Variants in SGCD observed in about 807,000 individuals in gnomAD.
SGCD encodes the protein sarcoglycan delta.
SGCD carries 18 observed loss-of-function variants against 36.6 expected under a neutral mutation model. The ratio of observed to expected loss-of-function variants is 0.49; its 90% CI spans 0.34 to 0.73. The LOEUF is 0.73. SGCD is among the 30% of genes least tolerant of loss of function. The pLI is 0.01. For missense variants in SGCD, 387 were observed against 346.7 expected (o/e 1.12, Z -0.92); for synonymous variants, 133 against 130.6 (o/e 1.02, Z -0.12).
At chr5:155,783,793 C>T in the SGCD span, among the ~76,000 whole-genome samples, 1 of 152,142 alleles carries the variant, frequency 6.6e-6, no homozygotes, top group Non-Finnish European at 1.5e-5. Flanking sequence ...ATTCTCTTCC[C>T]TTTGTGGAAA....
At chr5:156,277,474 G>C (rs1376313367) in intron 3 of SGCD, among the ~76,000 whole-genome samples, 4 of 152,208 alleles carry the variant, frequency 2.6e-5, no homozygotes, top group Non-Finnish European at 5.9e-5. Context: ...GGCTCACAGA[G>C]CTGGCAGGTT....
chr5:156,477,936 C>A (rs978027192), intron 3 of SGCD, among the ~76,000 whole-genome samples: 3 of 152,086 alleles, frequency 2.0e-5, no homozygotes, highest in South Asian at 4.2e-4. Context: ...CTCATGGAAT[C>A]TCTGGATCAA....
Position 155,921,667 on chromosome 5 carries a change from A to G in SGCD, c.-282+51243A>G, listed in dbSNP as rs189128194. The stretch of plus-strand genomic sequence containing the variant: ...GAGGATTCTAGCTGTTTAAATCTAG[A>G]AAGAAACCTGAACTCAGGCAAAAAG... On this transcript the variant is annotated intron_variant, in intron 1 of 9. Transcript: ENST00000517913. Among the ~76,000 whole-genome samples the G allele has an allele frequency of 2.2e-3, 340 of 152,320 alleles. 1 individual carries two copies. Among genetic ancestry groups the G allele is most frequent in the Non-Finnish European group, 3.3e-3 (226 of 68,022 alleles).
chr5:155,939,831 A>G lies in SGCD; in HGVS notation c.-282+69407A>G, dbSNP rs148597440. Among the ~76,000 whole-genome samples, 292 of 148,684 alleles carry G rather than the reference A, an allele frequency of 2.0e-3. 3 individuals carry two copies. The highest frequency in any genetic ancestry group is 6.8e-3 in the African/African-American group (280 of 41,068). ...TTATCTCCAAGTCTGCTCATATCCA[A>G]ATGTCTCTTTTTTTTTTTTTTTGAC... On this transcript the variant is annotated intron_variant, in intron 1 of 9. Coordinates refer to the SGCD transcript ENST00000517913.
At chr5:155,815,995 T>A in the SGCD span, among the ~76,000 whole-genome samples, 1 of 152,240 alleles carries the variant, frequency 6.6e-6, no homozygotes, top group Non-Finnish European at 1.5e-5. Context: ...GTTCAGTCCA[T>A]TGAGCAAATA....
At chr5:156,721,234 G>T (rs1755486082) in intron 7 of SGCD, among the ~76,000 whole-genome samples, 1 of 152,206 alleles carries the variant, frequency 6.6e-6, no homozygotes, top group African/African-American at 2.4e-5. Context: ...GAAGATGTCA[G>T]TATAGGAGTA....
At chr5:155,827,438 C>T in the SGCD span, among the ~76,000 whole-genome samples, 4 of 152,132 alleles carry the variant, frequency 2.6e-5, no homozygotes, top group Non-Finnish European at 5.9e-5. Flanking sequence ...TCCAGTGTGG[C>T]TGCTGCAGCT....
chr5:156,188,675 C>G (rs1454712004), intron 3 of SGCD, among the ~76,000 whole-genome samples: 4 of 128,944 alleles, frequency 3.1e-5, no homozygotes, highest in African/African-American at 8.4e-5. Context: ...ACCGCCCCCC[C>G]CGACACACAT....
At chr5:156,339,066 G>A (rs1293811208) in intron 2 of SGCD, among the ~76,000 whole-genome samples, 2 of 152,180 alleles carry the variant, frequency 1.3e-5, no homozygotes, top group African/African-American at 4.8e-5. Context: ...TTAGTAATAT[G>A]ACCATTCAGA....
At chr5:155,744,351 T>C in the SGCD span, among the ~76,000 whole-genome samples, 10 of 152,010 alleles carry the variant, frequency 6.6e-5, no homozygotes, top group African/African-American at 2.4e-4. Flanking sequence ...TCCCAGCTAC[T>C]CAGGAGGCTG....
chr5:156,375,675 C>T (rs1770624621), intron 3 of SGCD, among the ~76,000 whole-genome samples: 1 of 152,164 alleles, frequency 6.6e-6, no homozygotes, highest in African/African-American at 2.4e-5. Flanking sequence ...ATGCTCACTG[C>T]ATTCACTCCT....
intron 1 of SGCD, among the ~76,000 whole-genome samples, chr5:156,112,127 A>C (rs1305883842): frequency 6.6e-6 from 1 of 152,136 alleles, no homozygotes; most frequent in African/African-American, 2.4e-5. Context: ...TCCTTTTTAT[A>C]AACCATTTTC....
intron 3 of SGCD, among the ~76,000 whole-genome samples, chr5:156,321,215 C>A (rs1179478595): frequency 6.6e-6 from 1 of 152,078 alleles, no homozygotes; most frequent in Non-Finnish European, 1.5e-5. Context: ...GTCAGAAGAT[C>A]GAGACCATCC....
chr5:155,987,485 C>A (rs1438372274), intron 1 of SGCD, among the ~76,000 whole-genome samples: 4 of 152,192 alleles, frequency 2.6e-5, no homozygotes, highest in Admixed American at 2.6e-4. Context: ...ACCCATCTCC[C>A]AGTCTGCTGC....
chr5:156,477,272 G>C (rs941424749), intron 3 of SGCD, among the ~76,000 whole-genome samples: 3 of 152,082 alleles, frequency 2.0e-5, no homozygotes, highest in African/African-American at 7.2e-5. Flanking sequence ...CCGGTACATT[G>C]AGCAAGTGAG....
At chr5:156,044,942 G>A (rs1323282543) in intron 1 of SGCD, among the ~76,000 whole-genome samples, 1 of 152,070 alleles carries the variant, frequency 6.6e-6, no homozygotes, top group African/African-American at 2.4e-5. Flanking sequence ...CCACAGACTG[G>A]GTAATTTATA....
chr5:155,831,220 ACT>A, the SGCD span, among the ~76,000 whole-genome samples: 18 of 151,988 alleles, frequency 1.2e-4, no homozygotes, highest in Admixed American at 1.2e-3. Flanking sequence ...GCTCTTGCAG[ACT>A]CTGTGATATA....
intron 3 of SGCD, among the ~76,000 whole-genome samples, chr5:156,491,470 G>A (rs934962939): frequency 6.6e-5 from 10 of 152,034 alleles, no homozygotes; most frequent in African/African-American, 2.4e-4. Context: ...CAAATAGCAT[G>A]ACATTCTTAT....
intron 7 of SGCD, among the ~76,000 whole-genome samples, chr5:156,716,666 G>A (rs893882491): frequency 6.6e-6 from 1 of 152,198 alleles, no homozygotes; most frequent in Non-Finnish European, 1.5e-5. Context: ...TCACTATGGT[G>A]TTTTCCGGAT....
Sources: gnomAD v4.1 joint callset for allele counts (sites outside exome capture counted in the v4.1 genomes callset) on GRCh38, gnomAD v4.1.1 for gene constraint, MANE v1.5 for transcripts, NCBI Gene and HGNC (gene_info 2026-07-23, HGNC 2026-07-21) for gene names.